The following PLCB1 variants were observed in gnomAD, a reference collection of about 807,000 sequenced individuals.
PLCB1 encodes 1-phosphatidylinositol 4,5-bisphosphate phosphodiesterase beta-1.
PLCB1 carries 46 observed loss-of-function variants against 161.8 expected under a neutral mutation model. The ratio of observed to expected loss-of-function variants is 0.28; its 90% confidence interval spans 0.22 to 0.36. The LOEUF (loss-of-function observed/expected upper bound fraction) is 0.36. Ranked by LOEUF, PLCB1 falls within the 10% of genes least tolerant of loss-of-function variation. PLCB1 has a pLI of 1.00. For missense variants in PLCB1, 1,016 were observed against 1,472.5 expected (o/e 0.69, Z 5.07); for synonymous variants, 517 against 503.7 (o/e 1.03, Z -0.35).
rs549617861 is a variant in PLCB1 at position 8,158,668 on chromosome 20, G to A, written c.177+8297G>A. Among the ~76,000 whole-genome samples, 3 of 152,282 alleles carry A rather than the reference G, an allele frequency of 2.0e-5. No individual in the cohort carries two copies. The South Asian group carries it at 6.2e-4, about 32-fold the overall frequency. ...TGCCTATGAGCCTGTAAAATCGAAA[G>A]CTAGTTACTTTCTAGATACAATGGA... On this transcript the variant is annotated intron_variant, in intron 2 of 31. Transcript: ENST00000338037.
intron 3 of PLCB1, among the ~76,000 whole-genome samples, chr20:8,549,867 C>G (rs953430633): frequency 1.3e-5 from 2 of 152,200 alleles, no homozygotes; most frequent in Non-Finnish European, 2.9e-5. Flanking sequence ...CCACCACACC[C>G]GCGGAGATCT....
At chr20:8,774,030 T>G (rs376958070) in intron 26 of PLCB1, among the ~76,000 whole-genome samples, 10 of 151,694 alleles carry the variant, frequency 6.6e-5, no homozygotes, top group East Asian at 3.9e-4. Flanking sequence ...AGGAGGGTTA[T>G]CTGCACACGG....
intron 31 of PLCB1, among the ~76,000 whole-genome samples, chr20:8,820,332 C>G (rs1390178906): frequency 6.6e-6 from 1 of 151,594 alleles, no homozygotes; most frequent in Non-Finnish European, 1.5e-5. Context: ...AAAACTCAAA[C>G]AGGTGCTTCT....
chr20:8,368,114 A>G (rs1297052823), intron 2 of PLCB1, among the ~76,000 whole-genome samples: 2 of 152,246 alleles, frequency 1.3e-5, no homozygotes, highest in Non-Finnish European at 2.9e-5. Flanking sequence ...GCAAAAGTCT[A>G]TATAATGATG....
chr20:8,445,094 T>C (rs1375393453), intron 3 of PLCB1, among the ~76,000 whole-genome samples: 1 of 152,206 alleles, frequency 6.6e-6, no homozygotes, highest in East Asian at 1.9e-4. Context: ...CCATTGCTTT[T>C]GGTGTTTTAG....
intron 2 of PLCB1, among the ~76,000 whole-genome samples, chr20:8,329,332 T>G (rs1027333899): frequency 6.6e-6 from 1 of 151,626 alleles, no homozygotes; most frequent in African/African-American, 2.4e-5. Context: ...TTTTTTTTTT[T>G]TTTTTGAGAT....
chr20:8,674,711 C>T lies in PLCB1; in HGVS notation c.863-10221C>T, dbSNP rs965449088. On this transcript the variant is annotated intron_variant, in intron 9 of 31. Coordinates refer to ENST00000338037, the MANE Select transcript of PLCB1 (RefSeq NM_015192.4). ...CTCTTCAGGACATCAGGCTTGTCTG[C>T]GGTTTCTCCTAGACTTGAGGACAAG... Among the ~76,000 whole-genome samples the T allele has an allele frequency of 1.6e-4, 24 of 152,242 alleles. 1 individual carries two copies. The South Asian group carries it at 2.5e-3, about 16-fold the overall frequency.
chr20:8,228,587 A>G (rs1979827418), intron 2 of PLCB1, among the ~76,000 whole-genome samples: 1 of 152,058 alleles, frequency 6.6e-6, no homozygotes, highest in Non-Finnish European at 1.5e-5. Context: ...AGCTCACTGC[A>G]GCCTTGACCT....
chr20:8,256,404 C>G (rs985445349), intron 2 of PLCB1, among the ~76,000 whole-genome samples: 3 of 152,040 alleles, frequency 2.0e-5, no homozygotes, highest in African/African-American at 7.2e-5. Context: ...CTCCTCTACC[C>G]TGGTCCTCTC....
At chr20:8,772,923 TC>T (rs1318897923) in intron 26 of PLCB1, among the ~76,000 whole-genome samples, 1 of 151,844 alleles carries the variant, frequency 6.6e-6, no homozygotes, top group East Asian at 1.9e-4. Context: ...AGAGCAAAAC[TC>T]CATCTCAAAA....
chr20:8,718,216 C>G (rs767875116), intron 14 of PLCB1, among the ~76,000 whole-genome samples: 2 of 150,142 alleles, frequency 1.3e-5, no homozygotes, highest in South Asian at 4.2e-4. Context: ...GAGACTCCGT[C>G]TCAAAAAAAA....
chr20:8,660,880 A>T (rs755818475), intron 9 of PLCB1, among the ~76,000 whole-genome samples: 2 of 152,170 alleles, frequency 1.3e-5, no homozygotes, highest in Non-Finnish European at 2.9e-5. Context: ...TAATGGTTCC[A>T]CTTTTGAGTT....
At chr20:8,207,701 CTCCTGAGTAGCTGAAACTAGAGTCATG>C (rs1978607281) in intron 2 of PLCB1, among the ~76,000 whole-genome samples, 3 of 152,220 alleles carry the variant, frequency 2.0e-5, no homozygotes, top group Admixed American at 1.3e-4. Flanking sequence ...CCACCTCAGA[CTCCTGAGTAGCTGAAACTAGAGTCATG>C]CACCACAACG....
At chr20:8,549,178 A>C (rs1270883297) in intron 3 of PLCB1, among the ~76,000 whole-genome samples, 1 of 152,186 alleles carries the variant, frequency 6.6e-6, no homozygotes, top group African/African-American at 2.4e-5. Context: ...AAAGAAGAAT[A>C]ACCAGAAAAT....
intron 3 of PLCB1, among the ~76,000 whole-genome samples, chr20:8,374,344 G>A (rs1264251584): frequency 2.0e-5 from 3 of 152,228 alleles, no homozygotes; most frequent in South Asian, 2.1e-4. Flanking sequence ...GTTTCCTGAG[G>A]CCTCCCCAGC....
At chr20:8,780,674 C>T (rs533635916) in intron 27 of PLCB1, among the ~76,000 whole-genome samples, 86 of 152,172 alleles carry the variant, frequency 5.7e-4, no homozygotes, top group African/African-American at 1.4e-3. Flanking sequence ...TGTTTCAGAC[C>T]GCAAGCTCTG....
intron 31 of PLCB1, among the ~76,000 whole-genome samples, chr20:8,839,578 A>G (rs1986416204): frequency 6.6e-6 from 1 of 152,168 alleles, no homozygotes; most frequent in South Asian, 2.1e-4. Context: ...ACCCACCCAC[A>G]CACATCCCTA....
intron 2 of PLCB1, among the ~76,000 whole-genome samples, chr20:8,349,794 T>C (rs1209051276): frequency 1.3e-5 from 2 of 152,092 alleles, no homozygotes; most frequent in Non-Finnish European, 2.9e-5. Context: ...AGATCAATAC[T>C]CTGAGAAGGA....
At chr20:8,747,108 A>G (rs1010483147) in intron 23 of PLCB1, among the ~76,000 whole-genome samples, 1 of 152,218 alleles carries the variant, frequency 6.6e-6, no homozygotes, top group African/African-American at 2.4e-5. Context: ...TACCTGAATG[A>G]GTGAGCACAG....
Sources: allele counts gnomAD v4.1 joint callset (sites outside exome capture counted in the v4.1 genomes callset), GRCh38; gene constraint gnomAD v4.1.1; transcripts MANE v1.5; gene names NCBI Gene and HGNC (gene_info 2026-07-23, HGNC 2026-07-21).